TRPM3: variants seen among roughly 807,000 people sequenced by gnomAD.
The protein encoded by TRPM3 is long transient receptor potential channel 3.
A neutral mutation model predicts 181.2 loss-of-function variants in TRPM3; 77 were observed. That is an observed-to-expected ratio of 0.42 (90% CI 0.35 to 0.51). TRPM3 has a LOEUF of 0.51. TRPM3 is among the 20% of genes least tolerant of loss of function. The pLI is 0.01. For synonymous variants in TRPM3, 745 were observed against 796.4 expected (o/e 0.94, Z 1.09); for missense variants, 1,759 against 2,196.7 (o/e 0.80, Z 3.98).
intron 1 of TRPM3, among the ~76,000 whole-genome samples, chr9:71,302,501 A>G (rs1192618623): frequency 7.9e-5 from 12 of 152,218 alleles, no homozygotes; most frequent in African/African-American, 2.7e-4. Context: ...ATATAATTTC[A>G]TTTCTCCATT....
In TRPM3 at chr9:70,849,467, A is replaced by G. The variant is rs767779523; in HGVS notation, c.463-2876T>C. On this transcript the variant is annotated intron_variant, in intron 3 of 25. Transcript: ENST00000677713. ...GCCTGAAGGAAGTTTTAAAATATATATAGGAAGCAGGACTTATGTGATCCA... is the reference window on the plus strand; with the variant it reads ...GCCTGAAGGAAGTTTTAAAATATATGTAGGAAGCAGGACTTATGTGATCCA... Among the ~76,000 whole-genome samples, 6 of 152,156 alleles carry G rather than the reference A, an allele frequency of 3.9e-5. No individual in the cohort carries two copies. The South Asian group carries it at 1.0e-3, about 26-fold the overall frequency.
intron 1 of TRPM3, among the ~76,000 whole-genome samples, chr9:71,142,919 C>G (rs975337664): frequency 6.6e-6 from 1 of 150,492 alleles, no homozygotes; most frequent in Admixed American, 6.6e-5. Flanking sequence ...TTGAGACCAT[C>G]CTGGGAACCA....
intron 17 of TRPM3, among the ~76,000 whole-genome samples, chr9:70,617,948 G>C (rs1392327214): frequency 1.3e-5 from 2 of 152,128 alleles, no homozygotes; most frequent in African/African-American, 4.8e-5. Flanking sequence ...CTGGGTGACA[G>C]AGCAAGACCT....
Position 71,351,870 on chromosome 9 carries a change from G to GTT in TRPM3, c.183+94781_183+94782dup, listed in dbSNP as rs1398031517. On this transcript the variant is annotated intron_variant, in intron 1 of 24. Transcript: ENST00000357533. ...ATGGGAAGTTTTTGTTTGTTTGTTT[G>GTT]TTTTTGTTTTTTTTTTTTTTTTTGA... Among the ~76,000 whole-genome samples the GTT allele has an allele frequency of 5.5e-3, 526 of 95,552 alleles. 22 individuals carry two copies. Among genetic ancestry groups the GTT allele is most frequent in the Middle Eastern group, 0.011 (2 of 176 alleles). 62.7% of individuals were successfully genotyped at this position (95,552 alleles called of 152,430 possible).
At chr9:70,903,937 AT>A (rs1328148563) in intron 1 of TRPM3, among the ~76,000 whole-genome samples, 3 of 151,686 alleles carry the variant, frequency 2.0e-5, no homozygotes, top group Non-Finnish European at 4.4e-5. Context: ...TCTTTTGCTG[AT>A]TTTTTTAAAA....
At position 71,194,162 on chromosome 9, in the gene TRPM3, A is replaced by G. The variant is rs564929830; in HGVS notation, c.183+252491T>C. The stretch of plus-strand genomic sequence containing the variant: ...CTTTTCTACTAAATTAGGAAATCCA[A>G]CTTACAATTATAGATCACAGAAATT... On this transcript the variant is annotated intron_variant, in intron 1 of 24. Transcript: ENST00000357533. Among the ~76,000 whole-genome samples, 8 of 152,016 alleles carry G rather than the reference A, an allele frequency of 5.3e-5. No homozygotes were observed. In the East Asian group the frequency reaches 1.6e-3, roughly 30 times the overall value.
intron 1 of TRPM3, among the ~76,000 whole-genome samples, chr9:70,970,498 G>A (rs2097232103): frequency 6.6e-6 from 1 of 152,208 alleles, no homozygotes; most frequent in South Asian, 2.1e-4. Flanking sequence ...TGGGCCTTCC[G>A]TGGGGAGTAG....
chr9:70,541,477 G>A (rs2131652890), intron 25 of TRPM3, among the ~76,000 whole-genome samples: 1 of 149,714 alleles, frequency 6.7e-6, no homozygotes, highest in East Asian at 2.0e-4. Context: ...GGTTACCTGT[G>A]TTTGTTTCAT....
intron 1 of TRPM3, among the ~76,000 whole-genome samples, chr9:71,027,118 G>A (rs1360862113): frequency 6.6e-6 from 1 of 152,102 alleles, no homozygotes; most frequent in African/African-American, 2.4e-5. Flanking sequence ...CAGTGCAGAA[G>A]GTTCCTAACC....
chr9:71,282,636 T>A (rs899254225), intron 1 of TRPM3, among the ~76,000 whole-genome samples: 7 of 152,196 alleles, frequency 4.6e-5, no homozygotes, highest in Non-Finnish European at 7.3e-5. Context: ...AATTTAAAGT[T>A]AAAATTAATG....
intron 1 of TRPM3, chr9:70,917,039 A>G (rs577272985): frequency 2.5e-6 from 4 of 1,581,726 alleles, no homozygotes; most frequent in African/African-American, 2.7e-5. Context: ...AGAGACTGGT[A>G]TGTCGCTAAG....
chr9:71,322,208 G>A (rs556212401), intron 1 of TRPM3, among the ~76,000 whole-genome samples: 1 of 145,212 alleles, frequency 6.9e-6, no homozygotes, highest in South Asian at 2.1e-4. Context: ...ATGATTTGAG[G>A]TTCCATCATA....
chr9:71,390,821 C>T (rs763189489), intron 1 of TRPM3, among the ~76,000 whole-genome samples: 10 of 151,910 alleles, frequency 6.6e-5, no homozygotes, highest in African/African-American at 1.9e-4. Context: ...CTGAGCTCCA[C>T]GATTACTTTT....
intron 1 of TRPM3, among the ~76,000 whole-genome samples, chr9:71,078,928 A>G (rs1317278391): frequency 3.3e-5 from 5 of 152,204 alleles, no homozygotes; most frequent in Non-Finnish European, 7.3e-5. Flanking sequence ...AGCTAGTGCC[A>G]GTGGTCACAG....
At position 70,537,027 on chromosome 9, in the gene TRPM3, T is replaced by A; in HGVS notation, c.4086A>T (p.Ile1362=). 6.2e-7 allele frequency: 1 copy of A among 1,610,816 alleles called. No homozygotes were observed. The highest frequency in any genetic ancestry group is 8.5e-7 in the Non-Finnish European group (1 of 1,177,174). Residue 1362 remains isoleucine (I), a synonymous_variant, in exon 26 of 26, where the codon ATA becomes ATT. Coordinates refer to ENST00000677713, the MANE Select transcript of TRPM3 (RefSeq NM_001366145.2). ...CTTTAAAAATACTTTCCAACTTTTC[T>A]ATACCACCTTTGTCTTTCATATTGA... ...YSVNMKDKGG[I]EKLESIFKER... is the part of the protein sequence containing the mutation.
intron 7 of TRPM3, among the ~76,000 whole-genome samples, chr9:70,769,293 C>G (rs561151788): frequency 1.3e-5 from 2 of 152,260 alleles, no homozygotes; most frequent in Admixed American, 1.3e-4. Flanking sequence ...CTCTTGCATG[C>G]CTCTATATCT....
chr9:70,926,006 A>C (rs987659617), intron 1 of TRPM3, among the ~76,000 whole-genome samples: 16 of 151,852 alleles, frequency 1.1e-4, no homozygotes, highest in Non-Finnish European at 1.6e-4. Context: ...ACAAAAAAAA[A>C]AAAAACAAAC....
At chr9:71,341,565 ACT>A (rs1239765320) in intron 1 of TRPM3, among the ~76,000 whole-genome samples, 1 of 152,072 alleles carries the variant, frequency 6.6e-6, no homozygotes, top group Non-Finnish European at 1.5e-5. Flanking sequence ...AGGTTACAAA[ACT>A]CAAGGATATA....
At chr9:71,188,812 A>T (rs906048845) in intron 1 of TRPM3, among the ~76,000 whole-genome samples, 8 of 151,960 alleles carry the variant, frequency 5.3e-5, no homozygotes, top group Admixed American at 2.6e-4. Context: ...TTTGTCCTTT[A>T]AAAGGAAGAA....
Sources: gnomAD v4.1 joint callset for allele counts (sites outside exome capture counted in the v4.1 genomes callset) on GRCh38, gnomAD v4.1.1 for gene constraint, MANE v1.5 for transcripts, NCBI Gene and HGNC (gene_info 2026-07-23, HGNC 2026-07-21) for gene names.